The following DIP2C variants were observed in gnomAD, a reference collection of about 807,000 sequenced individuals.
DIP2C encodes the protein disco-interacting protein 2 homolog C.
Under a neutral mutation model 192.4 loss-of-function variants are expected in DIP2C, and 33 were observed. The observed-to-expected ratio is 0.17, with a 90% CI of 0.13 to 0.23. The LOEUF is 0.23. DIP2C is among the 10% of genes least tolerant of loss of function. The pLI, the probability that DIP2C is intolerant of heterozygous loss-of-function variation, is 1.00. For synonymous variants in DIP2C, 979 were observed against 864.1 expected (o/e 1.13, Z -2.33); for missense variants, 1,537 against 2,110.1 (o/e 0.73, Z 5.32).
chr10:683,112 A>G (rs1390378305), intron 1 of DIP2C, among the ~76,000 whole-genome samples: 2 of 152,230 alleles, frequency 1.3e-5, no homozygotes, highest in African/African-American at 2.4e-5. Flanking sequence ...AGCAACCCCC[A>G]GCGAAGGGAA....
chr10:577,192 G>A (rs1370435349), intron 1 of DIP2C, among the ~76,000 whole-genome samples: 1 of 152,154 alleles, frequency 6.6e-6, no homozygotes, highest in African/African-American at 2.4e-5. Flanking sequence ...AGGTAAAACT[G>A]AGCCATCCTG....
chr10:591,296 C>CA (rs1380316134), intron 1 of DIP2C, among the ~76,000 whole-genome samples: 6 of 151,960 alleles, frequency 3.9e-5, no homozygotes, highest in Non-Finnish European at 5.9e-5. Flanking sequence ...GGCTAATATT[C>CA]ATATTTTCAG....
intron 4 of DIP2C, among the ~76,000 whole-genome samples, chr10:437,021 T>G: frequency 7.7e-6 from 1 of 129,502 alleles, no homozygotes; most frequent in Non-Finnish European, 1.6e-5. Flanking sequence ...ACACCTGAGC[T>G]CTCTCCGAGC....
chr10:390,753 G>A lies in DIP2C; in HGVS notation c.1371C>T (p.Ile457=), dbSNP rs777736639. ...KGLPKSPTGE[I]PQFKGWPKLL... is the part of the protein sequence containing the mutation. Reference sequence around the variant, plus strand: ...TCGGTGGCTTACCTTTAAACTGTGGGATCTCTCCCGTTGGGCTTTTTGGAA... The same window carrying A: ...TCGGTGGCTTACCTTTAAACTGTGGAATCTCTCCCGTTGGGCTTTTTGGAA... Residue 457 remains isoleucine, a synonymous_variant, in exon 11 of 37, where the codon ATC becomes ATT. Coordinates refer to ENST00000280886, the MANE Select transcript of DIP2C (RefSeq NM_014974.3). The A allele has an allele frequency of 1.2e-6, 2 of 1,614,050 alleles. No homozygotes were observed. The highest frequency in any genetic ancestry group is 2.2e-5 in the South Asian group (2 of 91,056).
intron 1 of DIP2C, among the ~76,000 whole-genome samples, chr10:566,798 G>A (rs764308390): frequency 1.3e-5 from 2 of 152,216 alleles, no homozygotes; most frequent in African/African-American, 4.8e-5. Context: ...TGGCTCACAG[G>A]CACCATGCGG....
intron 31 of DIP2C, among the ~76,000 whole-genome samples, chr10:316,707 CT>C (rs2132360485): frequency 6.6e-6 from 1 of 152,320 alleles, no homozygotes; most frequent in South Asian, 2.1e-4. Flanking sequence ...TCAGGAGCCC[CT>C]GCCTTTTGCA....
chr10:677,804 G>A (rs1830925047), intron 1 of DIP2C, among the ~76,000 whole-genome samples: 1 of 152,204 alleles, frequency 6.6e-6, no homozygotes, highest in South Asian at 2.1e-4. Flanking sequence ...AGTGAGGGTG[G>A]AGACCCAGAC....
At chr10:468,370 G>A (rs778503838) in intron 3 of DIP2C, among the ~76,000 whole-genome samples, 2 of 152,148 alleles carry the variant, frequency 1.3e-5, no homozygotes, top group African/African-American at 4.8e-5. Context: ...GAGTTGCTCT[G>A]TGTTGGCTAC....
chr10:610,257 ACAG>A (rs776693179), intron 1 of DIP2C, among the ~76,000 whole-genome samples: 62 of 152,346 alleles, frequency 4.1e-4, no homozygotes, highest in Non-Finnish European at 8.8e-4. Context: ...GCAGGAGCTG[ACAG>A]CAGATGTCAT....
At chr10:434,536 G>A (rs1336408288) in intron 4 of DIP2C, among the ~76,000 whole-genome samples, 2 of 152,190 alleles carry the variant, frequency 1.3e-5, no homozygotes, top group Non-Finnish European at 2.9e-5. Flanking sequence ...GCCTCCCAGA[G>A]TGTTAGGGTG....
intron 36 of DIP2C, among the ~76,000 whole-genome samples, chr10:277,955 T>C (rs1289899337): frequency 6.6e-6 from 1 of 152,196 alleles, no homozygotes; most frequent in Non-Finnish European, 1.5e-5. Context: ...ATCAGCCTCG[T>C]ACCCTCAAGG....
At position 417,628 on chromosome 10, in the gene DIP2C, C is replaced by T. The variant is rs1446248644; in HGVS notation, c.739+1437G>A. Among the ~76,000 whole-genome samples the T allele has an allele frequency of 4.0e-4, 8 of 19,930 alleles. 1 individual carries two copies. The East Asian group carries it at 0.01, about 25-fold the overall frequency. The allele number at this position is 19,930 out of a possible 152,430, so 13.1% of individuals were successfully genotyped here. On this transcript the variant is annotated intron_variant, in intron 6 of 36. Coordinates refer to ENST00000280886, the MANE Select transcript of DIP2C (RefSeq NM_014974.3). ...GGCATCCCTGTCTGCCTGCGCCTGT[C>T]AGGGCTCGGATAGGCCTCCCTGTCC...
intron 1 of DIP2C, among the ~76,000 whole-genome samples, chr10:588,845 C>G (rs891366636): frequency 6.6e-6 from 1 of 152,204 alleles, no homozygotes. Context: ...TGAACATCAG[C>G]TTCTGTTTCT....
At chr10:591,247 C>T (rs1851386527) in intron 1 of DIP2C, among the ~76,000 whole-genome samples, 1 of 152,128 alleles carries the variant, frequency 6.6e-6, no homozygotes, top group South Asian at 2.1e-4. Context: ...GCCTCAGCCT[C>T]CCGAGTAGCT....
chr10:617,150 C>A (rs1272653577), intron 1 of DIP2C, among the ~76,000 whole-genome samples: 1 of 151,708 alleles, frequency 6.6e-6, no homozygotes, highest in Admixed American at 6.6e-5. Context: ...CTGTGCCTCC[C>A]GCCTGACTTA....
At chr10:551,928 C>G (rs1242304734) in intron 1 of DIP2C, among the ~76,000 whole-genome samples, 1 of 152,232 alleles carries the variant, frequency 6.6e-6, no homozygotes, top group Non-Finnish European at 1.5e-5. Flanking sequence ...ACCCAGGACA[C>G]CCCTGCCAGC....
rs149289328 is a variant in DIP2C at position 420,187 on chromosome 10, G to A, written c.605-988C>T. Among the ~76,000 whole-genome samples, 379 of 152,332 alleles carry A rather than the reference G, an allele frequency of 2.5e-3. 1 individual carries two copies. Among genetic ancestry groups the A allele is most frequent in the African/African-American group, 8.7e-3 (361 of 41,582 alleles). On this transcript the variant is annotated intron_variant, in intron 5 of 36. Coordinates refer to ENST00000280886, the MANE Select transcript of DIP2C (RefSeq NM_014974.3). ...CGCTGCCCATGTCCGCACCGTGCCC[G>A]GAGGCCGTCTAGACGGCGAAATCAA...
intron 31 of DIP2C, among the ~76,000 whole-genome samples, chr10:321,640 C>A (rs78002308): frequency 1.3e-5 from 1 of 78,446 alleles, no homozygotes; most frequent in Admixed American, 1.3e-4. Context: ...GGGGCTCCGG[C>A]GAGAGACCGG....
At chr10:577,194 G>A (rs1289156733) in intron 1 of DIP2C, among the ~76,000 whole-genome samples, 1 of 152,154 alleles carries the variant, frequency 6.6e-6, no homozygotes, top group East Asian at 1.9e-4. Flanking sequence ...GTAAAACTGA[G>A]CCATCCTGAC....
Sources: allele counts gnomAD v4.1 joint callset (sites outside exome capture counted in the v4.1 genomes callset), GRCh38; gene constraint gnomAD v4.1.1; transcripts MANE v1.5; gene names NCBI Gene and HGNC (gene_info 2026-07-23, HGNC 2026-07-21).